The following GART variants were observed in gnomAD, a reference collection of about 807,000 sequenced individuals.
The protein encoded by GART is phosphoribosylglycinamide formyltransferase, phosphoribosylglycinamide synthetase, phosphoribosylaminoimidazole synthetase.
In GART, 43 loss-of-function variants were observed where a neutral mutation model predicts 107.2. The ratio of observed to expected loss-of-function variants is 0.40; its 90% CI spans 0.31 to 0.52. GART has a LOEUF of 0.52. Among genes scored for constraint, GART ranks in the 20% least tolerant of loss-of-function variants. The probability of loss-of-function intolerance (pLI) is 0.52; values close to 1 mark genes in which losing one functional copy is unlikely to be tolerated. For synonymous variants in GART, 434 were observed against 427.0 expected, an observed-to-expected ratio of 1.02 and a Z score of -0.20; for missense variants, 1,107 against 1,206.5, an observed-to-expected ratio of 0.92 and a Z score of 1.22.
At chr21:33,530,988 G>GT in intron 6 of GART, 104 bp from the exon 7 acceptor site, 21 of 1,004,512 alleles carry the variant, frequency 2.1e-5, no homozygotes, top group Middle Eastern at 3.5e-4. Flanking sequence ...TTGAGGAAAA[G>GT]TTTGTTTTTT....
intron 18 of GART, among the ~76,000 whole-genome samples, chr21:33,507,261 G>A (rs1361129133): frequency 6.6e-6 from 1 of 152,116 alleles, no homozygotes; most frequent in Non-Finnish European, 1.5e-5. Context: ...TGGATGGAAC[G>A]GGAGGTCATT....
At chr21:33,533,680 G>T (rs1259618494) in intron 4 of GART, among the ~76,000 whole-genome samples, 1 of 151,976 alleles carries the variant, frequency 6.6e-6, no homozygotes, top group Non-Finnish European at 1.5e-5. Flanking sequence ...AGAGAGAGGC[G>T]GATCTCTTGA....
At chr21:33,511,749 A>T (rs1237746504) in intron 16 of GART, among the ~76,000 whole-genome samples, 3 of 152,188 alleles carry the variant, frequency 2.0e-5, no homozygotes, top group Non-Finnish European at 2.9e-5. Context: ...ATGAGCTAGT[A>T]GCTGAATTCC....
intron 20 of GART, among the ~76,000 whole-genome samples, 164 bp from the exon 21 acceptor site, chr21:33,504,691 CAAG>C (rs1285767215): frequency 1.3e-5 from 2 of 152,024 alleles, no homozygotes; most frequent in African/African-American, 4.8e-5. Flanking sequence ...AGTTCTCATC[CAAG>C]AAGGCCCTGG....
chr21:33,539,375 AG>A lies in GART; in HGVS notation c.-41-20del, dbSNP rs2085365911. The A allele has an allele frequency of 1.9e-6, 3 of 1,562,656 alleles. No homozygotes were observed. The highest frequency in any genetic ancestry group is 2.6e-6 in the Non-Finnish European group (3 of 1,153,708). On this transcript the variant is annotated intron_variant, in intron 1 of 21. Coordinates refer to ENST00000381815, the MANE Select transcript of GART (RefSeq NM_000819.5). ...ATGAAACCTGCAGAAAGAAAACCAC[AG>A]TTTATATCTTAGGATGCACATTTTA... is the stretch of plus-strand genomic sequence containing the variant.
In GART at chr21:33,505,997, C is replaced by A. The variant is rs1317510306; in HGVS notation, c.2560G>T (p.Glu854Ter). 6.2e-7 allele frequency: 1 copy of A among 1,614,006 alleles called. No homozygotes were observed. The highest frequency in any genetic ancestry group is 2.2e-5 in the East Asian group (1 of 44,898). ...KAAVAGLDKAERAGIPTRVIN... is the reference protein window; with the variant it reads ...KAAVAGLDKA ...ACTCTAGTGGGAATACCAGCTCTTT[C>A]CGCTTTATCTAACCCAGCTACTGCG... The change falls in exon 19 of 22, where the codon GAA becomes TAA. Residue 854 changes from glutamate to a stop codon, truncating the protein, a stop_gained. Transcript: ENST00000381815. LOFTEE classifies it high-confidence loss of function.
At chr21:33,521,405 G>A (rs1329172481) in intron 12 of GART, among the ~76,000 whole-genome samples, 1 of 152,040 alleles carries the variant, frequency 6.6e-6, no homozygotes, top group Non-Finnish European at 1.5e-5. Context: ...GCCGAGGCGG[G>A]TGGATCACAA....
intron 10 of GART, 152 bp from the exon 11 acceptor site, chr21:33,525,152 T>G: frequency 3.0e-6 from 4 of 1,349,438 alleles, no homozygotes; most frequent in Non-Finnish European, 3.9e-6. Context: ...TTTGGGAGGC[T>G]GAGGCAAGGA....
intron 3 of GART, 31 bp downstream of exon 3, chr21:33,535,185 CACTGAATAT>C: frequency 2.4e-6 from 3 of 1,244,474 alleles, no homozygotes; most frequent in South Asian, 1.4e-5. Context: ...CTTCTGTTTG[CACTGAATAT>C]ACTGTAACAA....
At chr21:33,516,934 A>C in intron 16 of GART, 55 bp downstream of exon 16, 8 of 1,460,830 alleles carry the variant, frequency 5.5e-6, no homozygotes, top group Non-Finnish European at 7.5e-6. Flanking sequence ...TTCTCGCACA[A>C]TGCATTTTTT....
intron 16 of GART, among the ~76,000 whole-genome samples, chr21:33,513,354 G>A (rs936430848): frequency 3.3e-5 from 5 of 151,980 alleles, no homozygotes; most frequent in Non-Finnish European, 5.9e-5. Context: ...CGCAGATCAC[G>A]AAGTCAGGAG....
In GART at chr21:33,539,201, TGCCTGCG is replaced by T. The variant is rs1199334827; in HGVS notation, c.108_114del (p.Asn36LysfsTer33). ...TTTGAAATCTTTTCAGAGCAGGCAG[TGCCTGCG>T]TTTCCTGGGGCAACCAACACTTGTT... On this transcript the variant is annotated frameshift_variant, in exon 2 of 22. Coordinates refer to ENST00000381815, the MANE Select transcript of GART (RefSeq NM_000819.5). LOFTEE classifies it high-confidence loss of function. 4 of 1,614,142 alleles carry T rather than the reference TGCCTGCG, an allele frequency of 2.5e-6. No homozygotes were observed. The highest frequency in any genetic ancestry group is 3.3e-5 in the Admixed American group (2 of 60,014).
chr21:33,507,781 G>A (rs957608206), intron 18 of GART, among the ~76,000 whole-genome samples: 8 of 152,244 alleles, frequency 5.3e-5, no homozygotes, highest in East Asian at 1.9e-4. Flanking sequence ...GCAGTGAGCC[G>A]AGTCTGCGCC....
Position 33,504,429 on chromosome 21 carries a change from T to C in GART, c.2824A>G (p.Thr942Ala). 1 of 1,614,072 alleles carries C rather than the reference T, an allele frequency of 6.2e-7. No individual in the cohort carries two copies. Among genetic ancestry groups the C allele is most frequent in the Non-Finnish European group, 8.5e-7 (1 of 1,179,922 alleles). ...LETGVTVTGC[T>A]VHFVAEDVDA... is the part of the protein sequence containing the mutation. ...ATACTCACAGCTACAAAGTGTACAG[T>C]GCACCCAGTAACTGTGACTCCGGTT... The change falls in exon 21 of 22, where the codon ACT (threonine) becomes GCT (alanine). Residue 942 changes from threonine to alanine, a missense_variant. Thr to Ala is a moderately conservative substitution (Grantham distance 58). Transcript: ENST00000381815.
At chr21:33,506,132 C>T in intron 18 of GART, 28 bp from the exon 19 acceptor site, 1 of 1,594,554 alleles carries the variant, frequency 6.3e-7, no homozygotes, top group Non-Finnish European at 8.5e-7. Flanking sequence ...CAGCAGTGAG[C>T]TCATACTACT....
chr21:33,530,325 G>A (rs1247472001), intron 7 of GART, among the ~76,000 whole-genome samples: 2 of 152,162 alleles, frequency 1.3e-5, no homozygotes, highest in Non-Finnish European at 2.9e-5. Flanking sequence ...AAGAAATTCT[G>A]ATCTGACTTG....
At chr21:33,506,467 G>A (rs1313080516) in intron 18 of GART, among the ~76,000 whole-genome samples, 3 of 152,144 alleles carry the variant, frequency 2.0e-5, no homozygotes, top group Non-Finnish European at 4.4e-5. Flanking sequence ...AAAGAGATGT[G>A]CCATTTTGAA....
intron 18 of GART, among the ~76,000 whole-genome samples, chr21:33,507,725 A>G (rs1180092945): frequency 1.3e-5 from 2 of 152,160 alleles, no homozygotes; most frequent in Admixed American, 1.3e-4. Context: ...CCAGCTACTC[A>G]GGAGGCTGAG....
At chr21:33,524,571 C>T (rs925690671) in intron 11 of GART, 198 bp downstream of exon 11, 4 of 1,247,380 alleles carry the variant, frequency 3.2e-6, no homozygotes, top group African/African-American at 3.7e-5. Context: ...ACTTTCCAAA[C>T]TTACGCTATC....
Sources: allele counts gnomAD v4.1 joint callset (sites outside exome capture counted in the v4.1 genomes callset), GRCh38; gene constraint gnomAD v4.1.1; transcripts MANE v1.5; gene names NCBI Gene and HGNC (gene_info 2026-07-23, HGNC 2026-07-21).